PBX1: variants seen among roughly 807,000 people sequenced by gnomAD.
The protein encoded by PBX1 is PBX homeobox 1, also known as pre-B-cell leukemia transcription factor 1.
Under a neutral mutation model 53.4 loss-of-function variants are expected in PBX1, and 6 were observed. The ratio of observed to expected loss-of-function variants is 0.11; its 90% CI spans 0.06 to 0.22. PBX1 has a LOEUF of 0.22. PBX1 is among the 10% of genes least tolerant of loss of function. The pLI, the probability that PBX1 is intolerant of heterozygous loss-of-function variation, is 1.00. For missense variants in PBX1, 251 were observed against 551.4 expected (o/e 0.46, Z 5.46); for synonymous variants, 204 against 212.3 (o/e 0.96, Z 0.34).
chr1:164,658,166 C>A (rs1203206008), intron 2 of PBX1, among the ~76,000 whole-genome samples: 26 of 138,382 alleles, frequency 1.9e-4, no homozygotes, highest in African/African-American at 4.5e-4. Context: ...AAATGAGGTA[C>A]AAAAAAAAAA....
intron 2 of PBX1, among the ~76,000 whole-genome samples, chr1:164,783,151 A>G (rs1016633966): frequency 1.3e-5 from 2 of 152,164 alleles, no homozygotes; most frequent in African/African-American, 4.8e-5. Context: ...CCTCTGGCTC[A>G]GGGGAGACTA....
rs1407669931 is a variant in PBX1 at position 164,848,094 on chromosome 1, T to G, written c.*1418T>G. ...ATAAGAACGTGGCTCATGTGAACTTTTGCTAGCTTCATTTGAGGACCTGAG... is the reference window on the plus strand; with the variant it reads ...ATAAGAACGTGGCTCATGTGAACTTGTGCTAGCTTCATTTGAGGACCTGAG... On this transcript the variant is annotated 3_prime_UTR_variant, in exon 9 of 9. Coordinates refer to ENST00000420696, the MANE Select transcript of PBX1 (RefSeq NM_002585.4). The G allele has an allele frequency of 1.9e-6, 2 of 1,052,388 alleles. No individual in the cohort carries two copies. Among genetic ancestry groups the G allele is most frequent in the African/African-American group, 3.3e-5 (2 of 60,376 alleles). 65.2% of individuals were successfully genotyped at this position (1,052,388 alleles called of 1,614,324 possible).
chr1:164,814,138 TG>T (rs1669757676), intron 6 of PBX1: 1 of 152,220 alleles, frequency 6.6e-6, no homozygotes, highest in Non-Finnish European at 1.5e-5. Context: ...AAGTTATAAA[TG>T]GGCTTTTCTG....
chr1:164,678,429 A>T (rs931720952), intron 2 of PBX1, among the ~76,000 whole-genome samples: 1 of 152,198 alleles, frequency 6.6e-6, no homozygotes, highest in African/African-American at 2.4e-5. Context: ...TCATTTGGCA[A>T]TGAAAGAGAA....
At chr1:164,715,082 C>T (rs906607865) in intron 2 of PBX1, among the ~76,000 whole-genome samples, 4 of 151,528 alleles carry the variant, frequency 2.6e-5, no homozygotes. Flanking sequence ...CCCAAGGCAC[C>T]TAACTCATAA....
At position 164,749,879 on chromosome 1, in the gene PBX1, G is replaced by C. The variant is rs555919728; in HGVS notation, c.266-42615G>C. ...GTTTGAATGAATGCAGATATTCATC[G>C]CTTGAGCCCAGGAGTTCCAGACCAG... On this transcript the variant is annotated intron_variant, in intron 2 of 8. Transcript: ENST00000420696. Among the ~76,000 whole-genome samples, 13 of 152,184 alleles carry C rather than the reference G, an allele frequency of 8.5e-5. No individual in the cohort carries two copies. The South Asian group carries it at 1.2e-3, about 15-fold the overall frequency.
intron 2 of PBX1, among the ~76,000 whole-genome samples, chr1:164,596,328 G>T (rs897562606): frequency 3.9e-5 from 6 of 152,138 alleles, no homozygotes; most frequent in Non-Finnish European, 7.3e-5. Flanking sequence ...CCTTGAGATG[G>T]TGCATGAGCT....
At chr1:164,761,035 C>T (rs1247425398) in intron 2 of PBX1, among the ~76,000 whole-genome samples, 1 of 152,186 alleles carries the variant, frequency 6.6e-6, no homozygotes, top group African/African-American at 2.4e-5. Flanking sequence ...CCCCACCCAT[C>T]TTTTTCTTTT....
intron 8 of PBX1, among the ~76,000 whole-genome samples, chr1:164,830,573 T>C (rs1467268084): frequency 2.0e-5 from 3 of 152,224 alleles, no homozygotes; most frequent in Admixed American, 6.5e-5. Context: ...TATGGTTTTT[T>C]TGAAATAATT....
intron 2 of PBX1, among the ~76,000 whole-genome samples, chr1:164,723,393 C>CT (rs1664513296): frequency 6.7e-6 from 1 of 148,272 alleles, no homozygotes; most frequent in Non-Finnish European, 1.5e-5. Context: ...CTGGCAGTCT[C>CT]GCAAACACTG....
chr1:164,645,119 C>G (rs76448177), intron 2 of PBX1, among the ~76,000 whole-genome samples: 5,530 of 152,220 alleles, frequency 0.036, 158 homozygotes, highest in South Asian at 0.11. Flanking sequence ...TCTTTCTACC[C>G]ATGAGTCATC....
At position 164,848,071 on chromosome 1, in the gene PBX1, A is replaced by G. The variant is rs966068436; in HGVS notation, c.*1395A>G. The stretch of plus-strand genomic sequence containing the variant: ...ATTGCTCTGGAGGAAAGAGTTGTAT[A>G]AGAACGTGGCTCATGTGAACTTTTG... On this transcript the variant is annotated 3_prime_UTR_variant, in exon 9 of 9. Transcript: ENST00000420696. The G allele has an allele frequency of 8.6e-6, 9 of 1,051,766 alleles. No homozygotes were observed. The highest frequency in any genetic ancestry group is 9.2e-6 in the Non-Finnish European group (8 of 870,820). 65.2% of individuals were successfully genotyped at this position (1,051,766 alleles called of 1,614,324 possible).
chr1:164,807,912 A>G (rs1220249678), intron 5 of PBX1, among the ~76,000 whole-genome samples: 3 of 152,246 alleles, frequency 2.0e-5, no homozygotes, highest in African/African-American at 7.2e-5. Flanking sequence ...GTAGAGTACA[A>G]TGTAAAAACA....
intron 2 of PBX1, among the ~76,000 whole-genome samples, chr1:164,733,912 T>C (rs1483649072): frequency 6.6e-6 from 1 of 152,232 alleles, no homozygotes; most frequent in Admixed American, 6.5e-5. Flanking sequence ...GACCCTTTTG[T>C]GTTTGCTGAA....
chr1:164,721,734 C>A (rs541338929), intron 2 of PBX1, among the ~76,000 whole-genome samples: 2 of 152,160 alleles, frequency 1.3e-5, no homozygotes, highest in African/African-American at 4.8e-5. Flanking sequence ...TCCTCCTTCT[C>A]GGCTTGACTC....
chr1:164,560,188 T>C (rs1332258060), intron 1 of PBX1, 175 bp downstream of exon 1: 3 of 539,796 alleles, frequency 5.6e-6, no homozygotes, highest in East Asian at 3.4e-5. Context: ...AGCGTTGTTA[T>C]CGAAAGTGTA....
intron 2 of PBX1, among the ~76,000 whole-genome samples, chr1:164,577,529 G>A (rs1324115634): frequency 6.6e-6 from 1 of 152,184 alleles, no homozygotes; most frequent in African/African-American, 2.4e-5. Context: ...TCATACACAT[G>A]CCTAAGCCAT....
chr1:164,873,817 A>T lies in PBX1; in HGVS notation n.258-25371A>T, dbSNP rs987385511. 2.6e-5 allele frequency among the ~76,000 whole-genome samples: 4 copies of T among 152,192 alleles called. No homozygotes were observed. The East Asian group carries it at 7.7e-4, about 29-fold the overall frequency. ...GTGTGACCTCAAACTATAGACTTTC[A>T]TTTACATATGTGACTCTCAGAGCCA... On this transcript the variant is annotated intron_variant and non_coding_transcript_variant, in intron 2 of 2. Coordinates refer to the PBX1 transcript ENST00000558796.
At chr1:164,683,062 T>C (rs553407085) in intron 2 of PBX1, 1 of 152,338 alleles carries the variant, frequency 6.6e-6, no homozygotes, top group South Asian at 2.1e-4. Flanking sequence ...GTGGTGATTC[T>C]ACAACCATCA....
Sources: allele counts gnomAD v4.1 joint callset (sites outside exome capture counted in the v4.1 genomes callset), GRCh38; gene constraint gnomAD v4.1.1; transcripts MANE v1.5; gene names NCBI Gene and HGNC (gene_info 2026-07-23, HGNC 2026-07-21).